ENTREP2: variants seen among roughly 807,000 people sequenced by gnomAD.
ENTREP2 encodes the protein protein ENTREP2.
the ENTREP2 span, among the ~76,000 whole-genome samples, chr15:29,555,105 T>A: frequency 6.6e-6 from 1 of 152,174 alleles, no homozygotes; most frequent in Non-Finnish European, 1.5e-5. Context: ...GTGCACAGTA[T>A]CTCCTCTTCT....
At chr15:29,331,223 C>T in the ENTREP2 span, among the ~76,000 whole-genome samples, 1 of 152,216 alleles carries the variant, frequency 6.6e-6, no homozygotes, top group Admixed American at 6.5e-5. Flanking sequence ...GCTTCTCAAT[C>T]GGCAGCAGGT....
the ENTREP2 span, among the ~76,000 whole-genome samples, chr15:29,334,956 CT>C: frequency 6.6e-6 from 1 of 152,196 alleles, no homozygotes; most frequent in Non-Finnish European, 1.5e-5. Flanking sequence ...GTAAAGGAAC[CT>C]TTTTGGACAT....
chr15:29,344,274 C>T, the ENTREP2 span, among the ~76,000 whole-genome samples: 2 of 152,178 alleles, frequency 1.3e-5, no homozygotes, highest in Non-Finnish European at 2.9e-5. Flanking sequence ...CAGGGTAAAC[C>T]AACACTTTTT....
the ENTREP2 span, among the ~76,000 whole-genome samples, chr15:29,496,133 T>A: frequency 1.3e-5 from 2 of 151,932 alleles, no homozygotes; most frequent in East Asian, 3.9e-4. Flanking sequence ...TTATTTAAGC[T>A]TATTTATGTT....
At chr15:29,241,343 G>T in the ENTREP2 span, among the ~76,000 whole-genome samples, 1 of 152,130 alleles carries the variant, frequency 6.6e-6, no homozygotes, top group Non-Finnish European at 1.5e-5. Flanking sequence ...GCAGACAAAT[G>T]CATACAGTAT....
the ENTREP2 span, among the ~76,000 whole-genome samples, chr15:29,425,259 C>A: frequency 0.1 from 15,741 of 151,180 alleles, 1,009 homozygotes; most frequent in East Asian, 0.31. Context: ...AGGATGGTCT[C>A]GATCTCCTGA....
At chr15:29,227,449 C>T in the ENTREP2 span, among the ~76,000 whole-genome samples, 2 of 152,120 alleles carry the variant, frequency 1.3e-5, no homozygotes, top group Non-Finnish European at 2.9e-5. Context: ...AGCGGAGGAG[C>T]GGCCTGCATA....
the ENTREP2 span, among the ~76,000 whole-genome samples, chr15:29,252,762 CTG>C: frequency 2.0e-5 from 3 of 152,140 alleles, no homozygotes; most frequent in Admixed American, 1.3e-4. Context: ...ACTTGAAAGA[CTG>C]TGCATTATAT....
At chr15:29,418,750 A>G in the ENTREP2 span, among the ~76,000 whole-genome samples, 1 of 152,182 alleles carries the variant, frequency 6.6e-6, no homozygotes, top group African/African-American at 2.4e-5. Flanking sequence ...CCCTCCAAGA[A>G]GGGAGCTAAA....
At chr15:29,586,432 G>T in the ENTREP2 span, among the ~76,000 whole-genome samples, 1 of 152,130 alleles carries the variant, frequency 6.6e-6, no homozygotes, top group African/African-American at 2.4e-5. Context: ...AATGAATTGC[G>T]TACACTTTAA....
At chr15:29,659,032 T>C in the ENTREP2 span, among the ~76,000 whole-genome samples, 9 of 152,236 alleles carry the variant, frequency 5.9e-5, no homozygotes, top group Non-Finnish European at 1.5e-5. Flanking sequence ...TGCGCTGCAA[T>C]TGTTAACTGG....
the ENTREP2 span, among the ~76,000 whole-genome samples, chr15:29,159,358 C>A: frequency 8.5e-5 from 13 of 152,286 alleles, no homozygotes; most frequent in East Asian, 5.8e-4. Context: ...CTCATAAAGG[C>A]AAGGTGGACC....
the ENTREP2 span, among the ~76,000 whole-genome samples, chr15:29,252,667 A>G: frequency 6.6e-6 from 1 of 152,216 alleles, no homozygotes; most frequent in Non-Finnish European, 1.5e-5. Context: ...GATCTGAAAT[A>G]GAAAAAGTAA....
At chr15:29,534,106 CAAAAAAAAAAAAAAAAAAA>C in the ENTREP2 span, among the ~76,000 whole-genome samples, 36 of 44,912 alleles carry the variant, frequency 8.0e-4, no homozygotes, top group African/African-American at 1.9e-3. Context: ...GCCCCTTGGC[CAAAAAAAAAAAAAAAAAAA>C]AAAAAAAAAA....
chr15:29,598,194 T>C, the ENTREP2 span, among the ~76,000 whole-genome samples: 2 of 152,168 alleles, frequency 1.3e-5, no homozygotes, highest in Non-Finnish European at 2.9e-5. Flanking sequence ...GGCTGTACCA[T>C]TTTTGCATTC....
the ENTREP2 span, among the ~76,000 whole-genome samples, chr15:29,139,236 A>T: frequency 6.6e-6 from 1 of 152,228 alleles, no homozygotes; most frequent in Non-Finnish European, 1.5e-5. Flanking sequence ...AACACATCAC[A>T]GGAAAATGGC....
chr15:29,408,059 C>T, the ENTREP2 span, among the ~76,000 whole-genome samples: 1 of 152,114 alleles, frequency 6.6e-6, no homozygotes, highest in Non-Finnish European at 1.5e-5. Context: ...GGACCCTACA[C>T]GTTTAACATG....
chr15:29,269,754 G>T, the ENTREP2 span: 3 of 1,417,376 alleles, frequency 2.1e-6, no homozygotes, highest in Non-Finnish European at 2.8e-6. Context: ...AAGCAGCCGC[G>T]GCGGGGATTG....
chr15:29,435,725 A>G, the ENTREP2 span, among the ~76,000 whole-genome samples: 28 of 151,498 alleles, frequency 1.8e-4, no homozygotes, highest in Middle Eastern at 3.4e-3. Flanking sequence ...GTGTGTGTGT[A>G]TATATATACA....
Sources: gnomAD v4.1 joint callset for allele counts (sites outside exome capture counted in the v4.1 genomes callset) on GRCh38, gnomAD v4.1.1 for gene constraint, MANE v1.5 for transcripts, NCBI Gene and HGNC (gene_info 2026-07-23, HGNC 2026-07-21) for gene names.